TMEM183A: variants seen among roughly 807,000 people sequenced by gnomAD.
TMEM183A encodes chromosome 1 open reading frame 37.
In TMEM183A, 21 loss-of-function variants were observed where a neutral mutation model predicts 46.7. The observed-to-expected ratio is 0.45, with a 90% CI of 0.32 to 0.65. The LOEUF (loss-of-function observed/expected upper bound fraction) is 0.65. Among genes scored for constraint, TMEM183A ranks in the 30% least tolerant of loss-of-function variants. The pLI, the probability that TMEM183A is intolerant of heterozygous loss-of-function variation, is 0.04. For synonymous variants in TMEM183A, 165 were observed against 180.2 expected (o/e 0.92, Z 0.68); for missense variants, 331 against 481.9 (o/e 0.69, Z 2.93).
At chr1:203,011,998 A>T (rs1233342586) in intron 3 of TMEM183A, among the ~76,000 whole-genome samples, 1 of 151,470 alleles carries the variant, frequency 6.6e-6, no homozygotes, top group Non-Finnish European at 1.5e-5. Flanking sequence ...TAGTCTGATT[A>T]TAACTCCATA....
intron 7 of TMEM183A, 77 bp downstream of exon 7, chr1:203,021,025 C>CTATTTT: frequency 9.2e-7 from 1 of 1,085,276 alleles, no homozygotes; most frequent in Non-Finnish European, 1.2e-6. Flanking sequence ...TGAACCGCAG[C>CTATTTT]TCTTTTTTTT....
rs1656817631 is a variant in TMEM183A, at chr1:203,013,004, G to T, written c.368-1885G>T. The stretch of plus-strand genomic sequence containing the variant: ...CAAAGCGTTGAGATTACAGGCATGA[G>T]CCACTGCACTCAGCCACAATAGAGG... On this transcript the variant is annotated intron_variant, in intron 3 of 7. Transcript: ENST00000367242. The surrounding 1 kb of genome is among the most constrained non-coding windows in gnomAD (Gnocchi z 4.0). Among the ~76,000 whole-genome samples the T allele has an allele frequency of 6.6e-6, 1 of 152,214 alleles. No homozygotes were observed. The highest frequency in any genetic ancestry group is 1.5e-5 in the Non-Finnish European group (1 of 68,038).
At chr1:203,021,559 A>C (rs1380477906) in intron 7 of TMEM183A, among the ~76,000 whole-genome samples, 1 of 152,200 alleles carries the variant, frequency 6.6e-6, no homozygotes, top group African/African-American at 2.4e-5. Context: ...ATGATTGAGA[A>C]ACATTATCCT....
At chr1:203,007,989 T>TA (rs774689044) in intron 2 of TMEM183A, 126 bp downstream of exon 2, 29 of 1,177,448 alleles carry the variant, frequency 2.5e-5, no homozygotes, top group East Asian at 2.1e-4. Context: ...AGTGTTAACT[T>TA]ACATATTGGG....
chr1:203,007,663 C>T, intron 1 of TMEM183A, 89 bp downstream of exon 1: 1 of 1,540,878 alleles, frequency 6.5e-7, no homozygotes, highest in Non-Finnish European at 8.8e-7. Context: ...GCTCGCGTGC[C>T]CGCGGCTGGA....
In TMEM183A at chr1:203,014,998, T is replaced by C; in HGVS notation, c.477T>C (p.Asn159=). 6.2e-7 allele frequency: 1 copy of C among 1,613,848 alleles called. No homozygotes were observed. Among genetic ancestry groups the C allele is most frequent in the Non-Finnish European group, 8.5e-7 (1 of 1,179,946 alleles). Reference sequence around the variant, plus strand: ...TGAATTTTTCCCTGATTTGTAAGAATGCCTGGACTGTCACTTGCACTGCTG... The same window carrying C: ...TGAATTTTTCCCTGATTTGTAAGAACGCCTGGACTGTCACTTGCACTGCTG... The part of the protein sequence containing the change: ...DIVNFSLICK[N]AWTVTCTAAF... The change falls in exon 4 of 8, where the codon AAT becomes AAC. Residue 159 remains asparagine (N), a synonymous_variant. Coordinates refer to ENST00000367242, the MANE Select transcript of TMEM183A (RefSeq NM_138391.6).
intron 7 of TMEM183A, 91 bp from the exon 8 acceptor site, chr1:203,022,764 T>C: frequency 1.3e-6 from 2 of 1,549,050 alleles, no homozygotes; most frequent in Non-Finnish European, 1.8e-6. Flanking sequence ...GCCTAGCCAG[T>C]ATAAATTAGT....
chr1:203,013,735 G>A lies in TMEM183A; in HGVS notation c.368-1154G>A, dbSNP rs1053773577. Among the ~76,000 whole-genome samples, 15 of 151,714 alleles carry A rather than the reference G, an allele frequency of 9.9e-5. No homozygotes were observed. The highest frequency in any genetic ancestry group is 4.2e-4 in the South Asian group (2 of 4,814). ...TCAGTGTGTTAGCCAGGTTGCTCTC[G>A]ATCTCCTGACCTCGCGATTCGCCCA... On this transcript the variant is annotated intron_variant, in intron 3 of 7. Coordinates refer to ENST00000367242, the MANE Select transcript of TMEM183A (RefSeq NM_138391.6). The surrounding 1 kb of genome is among the most constrained non-coding windows in gnomAD (Gnocchi z 4.0).
At chr1:203,008,532 A>G (rs538090294) in intron 2 of TMEM183A, 111 bp from the exon 3 acceptor site, 1 of 862,814 alleles carries the variant, frequency 1.2e-6, no homozygotes, top group African/African-American at 2.3e-5. Context: ...TTCTCTCTCA[A>G]CGATGTTTTT....
intron 5 of TMEM183A, 46 bp from the exon 6 acceptor site, chr1:203,018,435 T>C (rs1284782400): frequency 6.4e-7 from 1 of 1,574,078 alleles, no homozygotes; most frequent in South Asian, 1.2e-5. Context: ...TTTTGATTTT[T>C]TTCTTTTTCT....
At position 203,020,968 on chromosome 1, in the gene TMEM183A, G is replaced by GTCATTC. The variant is rs763789697; in HGVS notation, c.945+24_945+29dup. The GTCATTC allele has an allele frequency of 2.1e-6, 3 of 1,395,800 alleles. No individual in the cohort carries two copies. 86.5% of individuals were successfully genotyped at this position (1,395,800 alleles called of 1,614,324 possible). On this transcript the variant is annotated intron_variant, in intron 7 of 7. Transcript: ENST00000367242. ...ACTCTGGTAAGTGGGGACTCAGGAT[G>GTCATTC]TCATTCTCAGCTCCTTTTTTTTTTT...
intron 5 of TMEM183A, among the ~76,000 whole-genome samples, chr1:203,017,546 A>G (rs1267967035): frequency 6.6e-6 from 1 of 152,232 alleles, no homozygotes; most frequent in Non-Finnish European, 1.5e-5. Flanking sequence ...TAGTAAGCCC[A>G]GGCCATCTGG....
intron 7 of TMEM183A, among the ~76,000 whole-genome samples, 185 bp from the exon 8 acceptor site, chr1:203,022,670 T>C (rs1189296700): frequency 1.3e-5 from 2 of 148,794 alleles, no homozygotes; most frequent in Admixed American, 6.7e-5. Context: ...ATCACTGCAC[T>C]ACAGCCTGGG....
intron 3 of TMEM183A, among the ~76,000 whole-genome samples, chr1:203,011,267 C>T (rs951256720): frequency 2.6e-5 from 4 of 152,178 alleles, no homozygotes; most frequent in African/African-American, 9.7e-5. Context: ...TTCTCTACAT[C>T]CTTATCAACA....
At chr1:203,015,276 C>T (rs780859337) in intron 4 of TMEM183A, 14 of 590,276 alleles carry the variant, frequency 2.4e-5, no homozygotes, top group Non-Finnish European at 4.0e-5. Flanking sequence ...CCAGTATCCA[C>T]TTTCAGCAAA....
intron 6 of TMEM183A, among the ~76,000 whole-genome samples, chr1:203,020,387 T>C (rs770071534): frequency 2.4e-4 from 37 of 152,124 alleles, no homozygotes; most frequent in Non-Finnish European, 1.2e-4. Context: ...TTCCGAGACT[T>C]GTGATTCCTT....
At chr1:203,020,122 G>A (rs1337189974) in intron 6 of TMEM183A, among the ~76,000 whole-genome samples, 1 of 152,022 alleles carries the variant, frequency 6.6e-6, no homozygotes, top group African/African-American at 2.4e-5. Context: ...ATGGCAGGTG[G>A]GTTACAGATA....
chr1:203,012,148 TCACACACACACACACACACACACA>T (rs767000280), intron 3 of TMEM183A, among the ~76,000 whole-genome samples: 4 of 79,400 alleles, frequency 5.0e-5, no homozygotes, highest in Admixed American at 4.5e-4. Flanking sequence ...CCCCACTCCA[TCACACACACACACACACACACACA>T]CACACACACA....
chr1:203,016,910 C>T (rs1657216888), intron 5 of TMEM183A, among the ~76,000 whole-genome samples: 1 of 152,160 alleles, frequency 6.6e-6, no homozygotes, highest in African/African-American at 2.4e-5. Context: ...TTACTCTGTT[C>T]CTACCCCAAA....
Sources: gnomAD v4.1 joint callset for allele counts (sites outside exome capture counted in the v4.1 genomes callset) on GRCh38, gnomAD v4.1.1 for gene constraint, Gnocchi (gnomAD v3.1) non-coding constraint, MANE v1.5 for transcripts, NCBI Gene and HGNC (gene_info 2026-07-23, HGNC 2026-07-21) for gene names.